Variants in MIS18BP1 observed in about 807,000 individuals in gnomAD.
MIS18BP1 encodes the protein MIS18 binding protein 1.
Under a neutral mutation model 116.1 loss-of-function variants are expected in MIS18BP1, and 72 were observed. That is an observed-to-expected ratio of 0.62 (90% CI 0.51 to 0.75). The LOEUF (loss-of-function observed/expected upper bound fraction) is 0.75, where lower values mean the gene tolerates loss of function less well. Ranked by LOEUF, MIS18BP1 falls within the 30% of genes least tolerant of loss-of-function variation. MIS18BP1 has a pLI of 0.00. For synonymous variants in MIS18BP1, 386 were observed against 427.0 expected (o/e 0.90, Z 1.18); for missense variants, 1,363 against 1,303.2 (o/e 1.05, Z -0.71).
At position 45,242,376 on chromosome 14, in the gene MIS18BP1, C is replaced by A; in HGVS notation, c.801G>T (p.Thr267=). ...CAGAATCAACGCTTTCTAAAACAAA[C>A]GTGTCCTTTTTGGATTTAGTGGTTG... The part of the protein sequence containing the change: ...IVATTKSKKD[T]FVLESVDSAD... Residue 267 remains threonine (T), a synonymous_variant, in exon 4 of 17, where the codon ACG becomes ACT. Transcript: ENST00000310806. 1.2e-6 allele frequency: 2 copies of A among 1,614,036 alleles called. No homozygotes were observed. The highest frequency in any genetic ancestry group is 1.7e-6 in the Non-Finnish European group (2 of 1,179,960).
intron 14 of MIS18BP1, among the ~76,000 whole-genome samples, chr14:45,209,334 CT>C (rs200290878): frequency 3.4e-5 from 5 of 148,270 alleles, no homozygotes; most frequent in East Asian, 2.0e-4. Flanking sequence ...TCATTAATTT[CT>C]TTTTTTTTTG....
chr14:45,242,124 T>G lies in MIS18BP1; in HGVS notation c.1053A>C (p.Ile351=), dbSNP rs886809602. 9.9e-6 allele frequency: 16 copies of G among 1,614,028 alleles called. No individual in the cohort carries two copies. The Admixed American group carries it at 2.5e-4, about 25-fold the overall frequency. ...KIVLATPRLH[I]TIPRRSKRNI... ...TTCTTTTTGACCTCCGAGGTATTGT[T>G]ATATGAAGTCTTGGTGTTGCAAGTA... Residue 351 remains isoleucine (I), a synonymous_variant, in exon 4 of 17, where the codon ATA becomes ATC. Transcript: ENST00000310806.
chr14:45,230,508 C>T (rs923157905), intron 8 of MIS18BP1, among the ~76,000 whole-genome samples: 4 of 152,026 alleles, frequency 2.6e-5, no homozygotes, highest in Non-Finnish European at 5.9e-5. Flanking sequence ...AACAGGTTTG[C>T]GGTAGGTTGG....
In MIS18BP1 at chr14:45,224,833, A is replaced by G. The variant is rs1359902130; in HGVS notation, c.1841-87T>C. The G allele has an allele frequency of 1.1e-5, 11 of 1,011,254 alleles. No homozygotes were observed. The Admixed American group carries it at 3.1e-4, about 29-fold the overall frequency. The allele number at this position is 1,011,254 out of a possible 1,614,324, so 62.6% of individuals were successfully genotyped here. ...GCACAGAAAATATATTTTCACAAAT[A>G]AAAGATACTATTTTTATCCACGAGC... On this transcript the variant is annotated intron_variant, in intron 10 of 16. Coordinates refer to ENST00000310806, the MANE Select transcript of MIS18BP1 (RefSeq NM_018353.5).
At chr14:45,213,011 T>A (rs1256036543) in intron 13 of MIS18BP1, among the ~76,000 whole-genome samples, 1 of 152,258 alleles carries the variant, frequency 6.6e-6, no homozygotes, top group Admixed American at 6.5e-5. Flanking sequence ...TTGCCTCAGT[T>A]TCTCCTTCTG....
In MIS18BP1 at chr14:45,217,199, T is replaced by C; in HGVS notation, c.2843-20A>G. 6.2e-7 allele frequency: 1 copy of C among 1,610,382 alleles called. No individual in the cohort carries two copies. Among genetic ancestry groups the C allele is most frequent in the Non-Finnish European group, 8.5e-7 (1 of 1,178,572 alleles). Reference sequence around the variant, plus strand: ...TCTTGCCTTAAGAGTCAGCAAACCATTTTGATAAGGATTTGGTTATTTATA... The same window carrying C: ...TCTTGCCTTAAGAGTCAGCAAACCACTTTGATAAGGATTTGGTTATTTATA... On this transcript the variant is annotated intron_variant, in intron 12 of 16. Coordinates refer to ENST00000310806, the MANE Select transcript of MIS18BP1 (RefSeq NM_018353.5).
chr14:45,227,902 T>C, intron 8 of MIS18BP1, 88 bp from the exon 9 acceptor site: 5 of 1,346,736 alleles, frequency 3.7e-6, no homozygotes, highest in Non-Finnish European at 4.1e-6. Context: ...TGACGCTAGG[T>C]GTGGTGGCTC....
intron 11 of MIS18BP1, among the ~76,000 whole-genome samples, chr14:45,218,920 A>G (rs1890897293): frequency 7.7e-6 from 1 of 129,776 alleles, no homozygotes; most frequent in African/African-American, 2.5e-5. Flanking sequence ...TCATTCTACT[A>G]TACTTTGTAG....
intron 6 of MIS18BP1, among the ~76,000 whole-genome samples, chr14:45,235,590 C>CAAAAAA (rs77272289): frequency 2.9e-5 from 2 of 68,666 alleles, no homozygotes; most frequent in Non-Finnish European, 6.0e-5. Context: ...ACTCCATTTC[C>CAAAAAA]AAAAAAAAAA....
intron 11 of MIS18BP1, among the ~76,000 whole-genome samples, chr14:45,221,422 G>C (rs1890972594): frequency 6.6e-6 from 1 of 152,090 alleles, no homozygotes; most frequent in Non-Finnish European, 1.5e-5. Context: ...GGGCGACAGA[G>C]CAAGACTCCG....
At position 45,243,636 on chromosome 14, in the gene MIS18BP1, T is replaced by C. The variant is rs546061522; in HGVS notation, c.545-762A>G. Among the ~76,000 whole-genome samples the C allele has an allele frequency of 2.0e-5, 3 of 152,278 alleles. No individual in the cohort carries two copies. The South Asian group carries it at 6.2e-4, about 32-fold the overall frequency. On this transcript the variant is annotated intron_variant, in intron 2 of 16. Coordinates refer to ENST00000310806, the MANE Select transcript of MIS18BP1 (RefSeq NM_018353.5). ...GGTAGTGACTATGCTTTAATAAGTA[T>C]GCCACTTTGGTCTCAGAAATCTTAA...
In MIS18BP1 at chr14:45,224,182, T is replaced by C. The variant is rs549508386; in HGVS notation, c.2405A>G (p.His802Arg). 1 of 1,614,084 alleles carries C rather than the reference T, an allele frequency of 6.2e-7. No homozygotes were observed. Among genetic ancestry groups the C allele is most frequent in the Admixed American group, 1.7e-5 (1 of 60,034 alleles). Residue 802 changes from histidine (H) to arginine (R), a missense_variant, in exon 11 of 17, where the codon CAC (histidine) becomes CGC (arginine). Transcript: ENST00000310806. ...TGTGTTTCTTGTGCTCTTTCTCAGG[T>C]GAACCACTGCTTCTTTGGTGTTTCC... Reference protein sequence around the residue: ...KAGNTKEAVVHLRKSTRNTSN... With the variant: ...KAGNTKEAVVRLRKSTRNTSN...
chr14:45,221,317 G>T (rs912549429), intron 11 of MIS18BP1, among the ~76,000 whole-genome samples: 4 of 149,154 alleles, frequency 2.7e-5, no homozygotes, highest in Non-Finnish European at 5.9e-5. Flanking sequence ...GGCGCCTGTA[G>T]TCCCAGCTAC....
intron 1 of MIS18BP1, among the ~76,000 whole-genome samples, chr14:45,248,364 G>A: frequency 6.6e-6 from 1 of 151,964 alleles, no homozygotes; most frequent in East Asian, 1.9e-4. Flanking sequence ...ACCGCGCCCG[G>A]CCACAACTTG....
chr14:45,212,356 C>G (rs896128279), intron 13 of MIS18BP1, among the ~76,000 whole-genome samples: 2 of 152,150 alleles, frequency 1.3e-5, no homozygotes, highest in Non-Finnish European at 2.9e-5. Context: ...TTAGCTTCCT[C>G]CAGCTGGAAA....
chr14:45,221,372 G>A (rs1454947469), intron 11 of MIS18BP1, among the ~76,000 whole-genome samples: 2 of 152,284 alleles, frequency 1.3e-5, no homozygotes, highest in East Asian at 3.9e-4. Flanking sequence ...GGGAGGTGGA[G>A]CTTGCAGTGA....
At chr14:45,235,336 C>T (rs1891394671) in intron 6 of MIS18BP1, among the ~76,000 whole-genome samples, 1 of 151,942 alleles carries the variant, frequency 6.6e-6, no homozygotes, top group Admixed American at 6.6e-5. Flanking sequence ...CTTATTTATC[C>T]ACAGCTACCT....
At chr14:45,221,243 C>T (rs1048293874) in intron 11 of MIS18BP1, among the ~76,000 whole-genome samples, 4 of 152,074 alleles carry the variant, frequency 2.6e-5, no homozygotes, top group Admixed American at 6.6e-5. Context: ...TCGAGACCAT[C>T]CTGGCTAACA....
rs746382980 is a variant in MIS18BP1 at position 45,204,093 on chromosome 14, A to G, written c.*16T>C. The G allele has an allele frequency of 5.0e-6, 8 of 1,605,258 alleles. No individual in the cohort carries two copies. The highest frequency in any genetic ancestry group is 4.5e-5 in the South Asian group (4 of 89,072). ...CTTTATGGTAAAAATCCCAGGAATC[A>G]TATTTTCTCATTTTACTATGCAGAA... is the stretch of plus-strand genomic sequence containing the variant. On this transcript the variant is annotated 3_prime_UTR_variant, in exon 17 of 17. Transcript: ENST00000310806.
Sources: gnomAD v4.1 joint callset for allele counts (sites outside exome capture counted in the v4.1 genomes callset) on GRCh38, gnomAD v4.1.1 for gene constraint, MANE v1.5 for transcripts, NCBI Gene and HGNC (gene_info 2026-07-23, HGNC 2026-07-21) for gene names.